The following CGREF1 variants were observed in gnomAD, a reference collection of about 807,000 sequenced individuals.
The protein encoded by CGREF1 is cell growth regulator with EF hand domain protein 1.
Under a neutral mutation model 17.4 loss-of-function variants are expected in CGREF1, and 16 were observed. The ratio of observed to expected loss-of-function variants is 0.92; its 90% CI spans 0.62 to 1.40. The LOEUF (loss-of-function observed/expected upper bound fraction) is 1.40, where lower values mean the gene tolerates loss of function less well. CGREF1 is among the 40% of genes most tolerant of loss of function. CGREF1 has a pLI of 0.00. For synonymous variants in CGREF1, 142 were observed against 154.6 expected, an observed-to-expected ratio of 0.92 and a Z score of 0.61; for missense variants, 296 against 376.4, an observed-to-expected ratio of 0.79 and a Z score of 1.77.
At chr2:27,112,199 C>T (rs1671418071) in intron 1 of CGREF1, among the ~76,000 whole-genome samples, 1 of 152,068 alleles carries the variant, frequency 6.6e-6, no homozygotes, top group African/African-American at 2.4e-5. Context: ...TGACTTGAGC[C>T]CAGGAGGTTG....
chr2:27,104,085 A>G (rs1385111700), intron 2 of CGREF1, among the ~76,000 whole-genome samples: 16 of 152,108 alleles, frequency 1.1e-4, no homozygotes, highest in Admixed American at 8.5e-4. Flanking sequence ...TCTGATTCCA[A>G]ATGGGTCCAG....
intron 1 of CGREF1, among the ~76,000 whole-genome samples, chr2:27,111,992 G>T (rs185298021): frequency 2.6e-5 from 4 of 152,378 alleles, no homozygotes; most frequent in African/African-American, 9.6e-5. Context: ...CCGAGAACGA[G>T]CGAGGGCACA....
At chr2:27,109,061 C>T (rs1671244534) in intron 1 of CGREF1, among the ~76,000 whole-genome samples, 1 of 152,054 alleles carries the variant, frequency 6.6e-6, no homozygotes, top group Non-Finnish European at 1.5e-5. Context: ...GAGAATTTGC[C>T]ACTAACATTC....
intron 1 of CGREF1, among the ~76,000 whole-genome samples, chr2:27,107,608 G>A (rs1031771211): frequency 2.7e-5 from 4 of 149,768 alleles, no homozygotes; most frequent in African/African-American, 4.9e-5. Context: ...GAAGAAATAA[G>A]AGTTTTCCGG....
downstream of CGREF1, chr2:27,100,424 T>G: frequency 7.7e-6 from 10 of 1,290,890 alleles, no homozygotes; most frequent in Non-Finnish European, 1.0e-5. Context: ...ACCTTGGAAT[T>G]AAGGGCGTGC....
At chr2:27,113,109 CAG>C (rs10563799) in intron 1 of CGREF1, among the ~76,000 whole-genome samples, 10,938 of 152,028 alleles carry the variant, frequency 0.072, 1,106 homozygotes, top group African/African-American at 0.23. Context: ...GGTGAATGGG[CAG>C]AGAGAGGGCT....
At chr2:27,105,395 C>G (rs1230968533) in intron 1 of CGREF1, among the ~76,000 whole-genome samples, 1 of 152,140 alleles carries the variant, frequency 6.6e-6, no homozygotes, top group Non-Finnish European at 1.5e-5. Context: ...CTTCCATTTC[C>G]TAAGAGATGA....
chr2:27,105,956 T>C (rs945082343), intron 1 of CGREF1, among the ~76,000 whole-genome samples: 1 of 152,236 alleles, frequency 6.6e-6, no homozygotes, highest in African/African-American at 2.4e-5. Flanking sequence ...AAGCCACAGC[T>C]GCCCTAAAGG....
At chr2:27,109,719 C>G (rs1671276235) in intron 1 of CGREF1, among the ~76,000 whole-genome samples, 2 of 151,642 alleles carry the variant, frequency 1.3e-5, no homozygotes, top group African/African-American at 4.8e-5. Flanking sequence ...AACCCTGTCT[C>G]TACTAAAAAT....
chr2:27,104,963 CA>C (rs1254413134), intron 1 of CGREF1, among the ~76,000 whole-genome samples: 45 of 152,304 alleles, frequency 3.0e-4, no homozygotes, highest in African/African-American at 1.1e-3. Flanking sequence ...ACAGTGGCCC[CA>C]GGAATTGCTA....
In CGREF1 at chr2:27,102,541, C is replaced by A. The variant is rs1572891562; in HGVS notation, c.131G>T (p.Gly44Val). 1 of 1,613,982 alleles carries A rather than the reference C, an allele frequency of 6.2e-7. No individual in the cohort carries two copies. Among genetic ancestry groups the A allele is most frequent in the East Asian group, 2.2e-5 (1 of 44,882 alleles). ...CCCTACTCACCCGAGCTGCTCCTGG[C>A]CTGGCTGGAAGGGGTTGGGCAGGAG... is the stretch of plus-strand genomic sequence containing the variant. ...HQLLPNPFQP[G>V]QEQLGLLQSY... The change falls in exon 3 of 6, where the codon GGC (glycine) becomes GTC (valine). Residue 44 changes from glycine (G) to valine (V), a missense_variant. This residue lies in a region of CGREF1 where 247 missense variants were observed against 267.2 expected (regional missense o/e 0.92). Transcript: ENST00000402394.
At chr2:27,102,913 C>T in intron 2 of CGREF1, 1 of 985,148 alleles carries the variant, frequency 1.0e-6, no homozygotes, top group South Asian at 4.7e-5. Flanking sequence ...CAGTGAGTGG[C>T]AGGACAACAT....
chr2:27,105,559 T>TC (rs3072690), intron 1 of CGREF1, among the ~76,000 whole-genome samples: 3 of 139,414 alleles, frequency 2.2e-5, no homozygotes, highest in Non-Finnish European at 4.8e-5. Context: ...TTTTTTCTTT[T>TC]TTTTTGAGAA....
rs868442569 is a variant in CGREF1 at position 27,101,351 on chromosome 2, C to T, written c.880G>A (p.Gly294Arg). 6.2e-7 allele frequency: 1 copy of T among 1,612,034 alleles called. No homozygotes were observed. The highest frequency in any genetic ancestry group is 8.5e-7 in the Non-Finnish European group (1 of 1,178,864). ...GTGTTCTTAGACTCCAGTGTTTCCC[C>T]TGGAAGTTCCTTGGCCTCCTCTCCA... ...ENGEEAKELP[G>R]ETLESKNTQN... The change falls in exon 6 of 6, where the codon GGG becomes AGG. Residue 294 changes from glycine (G) to arginine (R), a missense_variant. Physicochemically the swap from Gly to Arg is moderately radical, Grantham distance 125 (BLOSUM62 -2). This residue lies in a region of CGREF1 where 40 missense variants were observed against 40.8 expected (regional missense o/e 0.98). Coordinates refer to ENST00000402394, the MANE Select transcript of CGREF1 (RefSeq NM_006569.6).
At chr2:27,099,722 G>A (rs1452577405), downstream of CGREF1, 4 of 1,614,136 alleles carry the variant, frequency 2.5e-6, no homozygotes, top group Non-Finnish European at 3.4e-6. Context: ...AAGAAGTGTG[G>A]CCTGCAGGGC....
At chr2:27,111,537 G>T (rs1283516342) in intron 1 of CGREF1, among the ~76,000 whole-genome samples, 1 of 152,238 alleles carries the variant, frequency 6.6e-6, no homozygotes, top group Non-Finnish European at 1.5e-5. Flanking sequence ...TTGGGTGGTC[G>T]ATGGGACAGG....
At chr2:27,104,637 C>T in intron 1 of CGREF1, 2 of 1,550,570 alleles carry the variant, frequency 1.3e-6, no homozygotes, top group African/African-American at 1.4e-5. Flanking sequence ...GGGGGCGCAT[C>T]CCCACCCCAC....
At position 27,119,011 on chromosome 2, in the gene CGREF1, G is replaced by T; in HGVS notation, c.-177C>A. 1 of 152,264 alleles carries T rather than the reference G, an allele frequency of 6.6e-6. No homozygotes were observed. The highest frequency in any genetic ancestry group is 1.8e-4 in the South Asian group (1 of 5,452). The allele number at this position is 152,264 out of a possible 1,614,324, so 9.4% of individuals were successfully genotyped here. ...CGCCGCCCTGGCCGGGCAGAGTCCG[G>T]AGCCAGTGCCAGCCGCCGCCCCGCC... On this transcript the variant is annotated 5_prime_UTR_variant, in exon 1 of 6. Transcript: ENST00000402394. This position sits in a 1 kb window ranked among gnomAD's most constrained non-coding sequence, Gnocchi z 5.6.
chr2:27,115,210 T>C (rs375564838), intron 1 of CGREF1, among the ~76,000 whole-genome samples: 16 of 152,266 alleles, frequency 1.1e-4, no homozygotes, highest in African/African-American at 3.9e-4. Flanking sequence ...ATCTTGAAAC[T>C]CTCAATCATT....
Sources: allele counts gnomAD v4.1 joint callset (sites outside exome capture counted in the v4.1 genomes callset), GRCh38; gene constraint gnomAD v4.1.1; regional missense constraint gnomAD v4.1.1; non-coding constraint Gnocchi (gnomAD v3.1); transcripts MANE v1.5; gene names NCBI Gene and HGNC (gene_info 2026-07-23, HGNC 2026-07-21).